The following DAPK2 variants were observed in gnomAD, a reference collection of about 807,000 sequenced individuals.
The protein encoded by DAPK2 is death associated protein kinase 2.
DAPK2 carries 35 observed loss-of-function variants against 44.1 expected under a neutral mutation model. That is an observed-to-expected ratio of 0.79 (90% CI 0.61 to 1.05). DAPK2 has a LOEUF of 1.05. Ranked by LOEUF, DAPK2 falls within the 50% of genes least tolerant of loss-of-function variation. The pLI is 0.00. For synonymous variants in DAPK2, 174 were observed against 182.6 expected, an observed-to-expected ratio of 0.95 and a Z score of 0.38; for missense variants, 453 against 483.2, an observed-to-expected ratio of 0.94 and a Z score of 0.59.
chr15:63,983,437 G>T (rs1663707588), intron 2 of DAPK2, 96 bp downstream of exon 3: 3 of 1,143,200 alleles, frequency 2.6e-6, no homozygotes, highest in African/African-American at 1.5e-5. Context: ...CTTAGGCCTG[G>T]TTGCTGCTGC....
chr15:63,950,797 T>C (rs866627336), intron 3 of DAPK2, among the ~76,000 whole-genome samples: 6 of 152,322 alleles, frequency 3.9e-5, no homozygotes, highest in Middle Eastern at 3.4e-3. Context: ...CTCCATTGCC[T>C]ATATGTAAAA....
intron 3 of DAPK2, among the ~76,000 whole-genome samples, chr15:63,948,354 T>A (rs1475506263): frequency 1.3e-5 from 2 of 150,354 alleles, no homozygotes; most frequent in Admixed American, 6.6e-5. Flanking sequence ...CAGCTTTTGC[T>A]TCTGGAGAGG....
intron 1 of DAPK2, among the ~76,000 whole-genome samples, chr15:63,994,441 GGAAGGAA>G (rs2078896364): frequency 6.7e-6 from 1 of 149,760 alleles, no homozygotes; most frequent in Admixed American, 6.7e-5. Flanking sequence ...AAGGAAGGAA[GGAAGGAA>G]GGAAGGAAGG....
At chr15:63,947,842 G>C (rs1199401877) in intron 3 of DAPK2, among the ~76,000 whole-genome samples, 2 of 152,098 alleles carry the variant, frequency 1.3e-5, no homozygotes, top group Non-Finnish European at 2.9e-5. Context: ...ATTTGGATAT[G>C]CAGCCCAGCT....
At chr15:64,026,318 A>G (rs2079845876) in intron 1 of DAPK2, among the ~76,000 whole-genome samples, 1 of 152,060 alleles carries the variant, frequency 6.6e-6, no homozygotes, top group Admixed American at 6.5e-5. Context: ...AACTCTGTTC[A>G]CTACAACATC....
At chr15:63,948,072 A>G (rs1029543058) in intron 3 of DAPK2, among the ~76,000 whole-genome samples, 1 of 152,126 alleles carries the variant, frequency 6.6e-6, no homozygotes, top group African/African-American at 2.4e-5. Flanking sequence ...GTTCAAGACC[A>G]GCCTGGCCAA....
chr15:63,943,411 G>C (rs2077367545), intron 3 of DAPK2, among the ~76,000 whole-genome samples: 3 of 152,172 alleles, frequency 2.0e-5, no homozygotes, highest in African/African-American at 7.2e-5. Context: ...CTTGGCAACA[G>C]AGTGAGACCC....
intron 1 of DAPK2, among the ~76,000 whole-genome samples, chr15:64,033,284 A>AT (rs1567287447): frequency 5.6e-5 from 2 of 35,722 alleles, no homozygotes; most frequent in African/African-American, 2.6e-4. Context: ...GGAAGGGGGA[A>AT]GGGGGAAGGA....
chr15:63,948,141 C>T (rs1397764943), intron 3 of DAPK2, among the ~76,000 whole-genome samples: 5 of 151,822 alleles, frequency 3.3e-5, no homozygotes, highest in African/African-American at 1.2e-4. Context: ...TGTGATGGCA[C>T]ACACCTGTAA....
At chr15:63,986,379 A>G (rs1260724471) in intron 1 of DAPK2, among the ~76,000 whole-genome samples, 1 of 152,252 alleles carries the variant, frequency 6.6e-6, no homozygotes, top group Non-Finnish European at 1.5e-5. Flanking sequence ...CAGAGACATA[A>G]GTCACTGATT....
At chr15:63,967,049 G>T (rs1203296330) in intron 3 of DAPK2, among the ~76,000 whole-genome samples, 1 of 152,048 alleles carries the variant, frequency 6.6e-6, no homozygotes, top group African/African-American at 2.4e-5. Flanking sequence ...GCATAGTGGT[G>T]GGTGCCTGTA....
At chr15:63,942,538 T>C (rs2140469200) in intron 3 of DAPK2, among the ~76,000 whole-genome samples, 1 of 151,082 alleles carries the variant, frequency 6.6e-6, no homozygotes, top group Non-Finnish European at 1.5e-5. Context: ...GGCGACAAAG[T>C]GAGACTCCAT....
chr15:63,996,747 G>C (rs1050896955), intron 1 of DAPK2, among the ~76,000 whole-genome samples: 1 of 152,232 alleles, frequency 6.6e-6, no homozygotes, highest in Non-Finnish European at 1.5e-5. Flanking sequence ...GACGGCTAAA[G>C]GGAGTCCCAA....
intron 2 of DAPK2, among the ~76,000 whole-genome samples, chr15:63,973,688 G>A (rs2078272488): frequency 6.6e-6 from 1 of 152,090 alleles, no homozygotes; most frequent in Non-Finnish European, 1.5e-5. Context: ...TAAGAGTTTT[G>A]GAACTATTGG....
intron 2 of DAPK2, among the ~76,000 whole-genome samples, chr15:63,973,799 G>A (rs886600194): frequency 2.0e-5 from 3 of 152,170 alleles, no homozygotes; most frequent in Non-Finnish European, 4.4e-5. Context: ...ATGACAAAGC[G>A]GAACAAATGC....
chr15:63,939,236 A>G lies in DAPK2; in HGVS notation c.579T>C (p.Phe193=). The G allele has an allele frequency of 6.2e-7, 1 of 1,613,678 alleles. No homozygotes were observed. Among genetic ancestry groups the G allele is most frequent in the Non-Finnish European group, 8.5e-7 (1 of 1,179,904 alleles). The change falls in exon 4 of 11, where the codon TTT becomes TTC. Residue 193 remains phenylalanine, a synonymous_variant. Coordinates refer to ENST00000261891, the Ensembl canonical transcript of DAPK2. This position sits in a 1 kb window ranked among gnomAD's most constrained non-coding sequence, Gnocchi z 4.3. The stretch of plus-strand genomic sequence containing the variant: ...ACAAACAGGCCTACAACTCACCAAC[A>G]AATTCCGGCGTCCCAAAAATATTCT...
At chr15:63,940,473 G>A (rs1373446401) in intron 3 of DAPK2, among the ~76,000 whole-genome samples, 1 of 152,160 alleles carries the variant, frequency 6.6e-6, no homozygotes, top group African/African-American at 2.4e-5. Flanking sequence ...CACTTTGGGA[G>A]GTCGAGGTGG....
intron 1 of DAPK2, among the ~76,000 whole-genome samples, chr15:64,037,202 GC>G (rs1274724180): frequency 6.6e-6 from 1 of 152,084 alleles, no homozygotes; most frequent in African/African-American, 2.4e-5. Context: ...CCCCACCCAT[GC>G]CCCCAGCCTC....
chr15:63,983,412 C>T, intron 2 of DAPK2, 121 bp downstream of exon 3: 2 of 828,770 alleles, frequency 2.4e-6, no homozygotes, highest in Non-Finnish European at 3.8e-6. Flanking sequence ...CTGACTTCAC[C>T]TCCTCTGGGC....
Sources: gnomAD v4.1 joint callset for allele counts (sites outside exome capture counted in the v4.1 genomes callset) on GRCh38, gnomAD v4.1.1 for gene constraint, Gnocchi (gnomAD v3.1) non-coding constraint, MANE v1.5 for transcripts, NCBI Gene and HGNC (gene_info 2026-07-23, HGNC 2026-07-21) for gene names.